The following ANO3 variants were observed in gnomAD, a reference collection of about 807,000 sequenced individuals.
ANO3 encodes the protein anoctamin 3.
In ANO3, 99 loss-of-function variants were observed where a neutral mutation model predicts 144.8. The ratio of observed to expected loss-of-function variants is 0.68; its 90% CI spans 0.58 to 0.81. The LOEUF (loss-of-function observed/expected upper bound fraction) is 0.81, where lower values mean the gene tolerates loss of function less well. Ranked by LOEUF, ANO3 falls within the 30% of genes least tolerant of loss-of-function variation. The probability of loss-of-function intolerance (pLI) is 0.00; values close to 1 mark genes in which losing one functional copy is unlikely to be tolerated. For synonymous variants in ANO3, 414 were observed against 392.6 expected (o/e 1.05, Z -0.64); for missense variants, 905 against 1,202.2 (o/e 0.75, Z 3.66).
At position 26,448,906 on chromosome 11, in the gene ANO3, C is replaced by T. The variant is rs191030863; in HGVS notation, c.313+5070C>T. On this transcript the variant is annotated intron_variant, in intron 3 of 26. Coordinates refer to ENST00000256737, the MANE Select transcript of ANO3 (RefSeq NM_031418.4). ...GTTGGTACGCTGGTACAATAACTTC[C>T]GAACAGATCTCCCTGCTCAAAATCT... Among the ~76,000 whole-genome samples, 392 of 150,810 alleles carry T rather than the reference C, an allele frequency of 2.6e-3. 2 individuals are homozygous for T. The highest frequency in any genetic ancestry group is 4.6e-3 in the Non-Finnish European group (316 of 67,998).
chr11:26,313,039 A>G (rs889967272), intron 1 of ANO3, among the ~76,000 whole-genome samples: 2 of 152,110 alleles, frequency 1.3e-5, no homozygotes, highest in South Asian at 4.1e-4. Flanking sequence ...AGTTGTTCCT[A>G]TTGCTGTTTT....
chr11:26,597,422 G>T (rs146104799), intron 14 of ANO3, among the ~76,000 whole-genome samples: 4 of 152,160 alleles, frequency 2.6e-5, no homozygotes, highest in Non-Finnish European at 5.9e-5. Flanking sequence ...CAGGAACAAC[G>T]GCAAGCCTCT....
intron 1 of ANO3, among the ~76,000 whole-genome samples, chr11:26,206,383 A>C (rs1851795112): frequency 6.6e-6 from 1 of 152,246 alleles, no homozygotes; most frequent in Admixed American, 6.5e-5. Context: ...TAAACTTGCT[A>C]TGTGTTTCTG....
Position 26,225,706 on chromosome 11 carries a change from T to C in ANO3, c.154+36376T>C, listed in dbSNP as rs986219930. ...GGAAAAATCTCTTTTGTTTCTTATTTATGATCTACAAGATTTAGGCTAATT... is the reference window on the plus strand; with the variant it reads ...GGAAAAATCTCTTTTGTTTCTTATTCATGATCTACAAGATTTAGGCTAATT... On this transcript the variant is annotated intron_variant, in intron 1 of 27. Transcript: ENST00000672621. Among the ~76,000 whole-genome samples, 7 of 152,208 alleles carry C rather than the reference T, an allele frequency of 4.6e-5. No individual in the cohort carries two copies. In the East Asian group the frequency reaches 1.3e-3, roughly 29 times the overall value.
At chr11:26,524,596 G>T (rs1037231205) in intron 6 of ANO3, among the ~76,000 whole-genome samples, 1 of 152,138 alleles carries the variant, frequency 6.6e-6, no homozygotes, top group Admixed American at 6.5e-5. Context: ...AGAAGAGCGA[G>T]AATATCAGAT....
intron 1 of ANO3, among the ~76,000 whole-genome samples, chr11:26,314,219 C>T (rs1305533362): frequency 6.6e-6 from 1 of 152,112 alleles, no homozygotes; most frequent in Non-Finnish European, 1.5e-5. Context: ...GCTATTACTG[C>T]ACGGCAATCA....
intron 4 of ANO3, among the ~76,000 whole-genome samples, chr11:26,487,768 G>T (rs139730078): frequency 6.6e-6 from 1 of 152,332 alleles, no homozygotes; most frequent in East Asian, 1.9e-4. Flanking sequence ...CTGCCCTAGA[G>T]ATTTGTGAAA....
intron 1 of ANO3, among the ~76,000 whole-genome samples, chr11:26,268,059 T>C (rs1853354462): frequency 6.6e-6 from 1 of 152,120 alleles, no homozygotes. Context: ...TTACATATAC[T>C]GGTCAGGAAA....
intron 14 of ANO3, among the ~76,000 whole-genome samples, chr11:26,595,114 T>C (rs1851571633): frequency 6.6e-6 from 1 of 152,160 alleles, no homozygotes; most frequent in Non-Finnish European, 1.5e-5. Context: ...TCCTAGAGCG[T>C]CCTCTATGGT....
intron 1 of ANO3, among the ~76,000 whole-genome samples, chr11:26,381,539 TTGTC>T (rs1177720726): frequency 1.3e-5 from 2 of 152,228 alleles, no homozygotes; most frequent in African/African-American, 2.4e-5. Context: ...GTTATTGACT[TTGTC>T]TGAATTGTCT....
At position 26,634,903 on chromosome 11, in the gene ANO3, C is replaced by T. The variant is rs755680105; in HGVS notation, c.1986-110C>T. On this transcript the variant is annotated intron_variant, in intron 19 of 26. Coordinates refer to ENST00000256737, the MANE Select transcript of ANO3 (RefSeq NM_031418.4). Reference sequence around the variant, plus strand: ...GCAGAAGTCAACTGGGGACAGATTGCACCAGTGAGCGTTTATGTCTACCCA... The same window carrying T: ...GCAGAAGTCAACTGGGGACAGATTGTACCAGTGAGCGTTTATGTCTACCCA... 11 of 801,008 alleles carry T rather than the reference C, an allele frequency of 1.4e-5. No homozygotes were observed. The Admixed American group carries it at 2.0e-4, about 15-fold the overall frequency. The allele number at this position is 801,008 out of a possible 1,614,324, so 49.6% of individuals were successfully genotyped here.
At chr11:26,453,419 G>A (rs1859025523) in intron 3 of ANO3, among the ~76,000 whole-genome samples, 2 of 152,016 alleles carry the variant, frequency 1.3e-5, no homozygotes, top group African/African-American at 2.4e-5. Context: ...AAAAAGGCAG[G>A]GGTTGCAATC....
chr11:26,662,917 G>A lies in ANO3; in HGVS notation c.*2473G>A, dbSNP rs1853920274. ...ATATGAATACAAATTATTTCTCAAA[G>A]ATTTATAGCACACACTATTCTCAGG... is the stretch of plus-strand genomic sequence containing the variant. On this transcript the variant is annotated 3_prime_UTR_variant, in exon 27 of 27. Transcript: ENST00000256737. 1 of 152,364 alleles carries A rather than the reference G, an allele frequency of 6.6e-6. No individual in the cohort carries two copies. Among genetic ancestry groups the A allele is most frequent in the African/African-American group, 2.4e-5 (1 of 41,398 alleles). 9.4% of individuals were successfully genotyped at this position (152,364 alleles called of 1,614,324 possible).
At chr11:26,296,997 A>T (rs1181589798) in intron 1 of ANO3, among the ~76,000 whole-genome samples, 1 of 152,140 alleles carries the variant, frequency 6.6e-6, no homozygotes, top group African/African-American at 2.4e-5. Flanking sequence ...ACCTCTAGAG[A>T]CAGGTAGCCA....
At chr11:26,416,404 C>A (rs1329703258) in intron 1 of ANO3, among the ~76,000 whole-genome samples, 2 of 151,774 alleles carry the variant, frequency 1.3e-5, no homozygotes. Context: ...TCAGTGTTTT[C>A]CTGTTTTAGT....
Position 26,584,226 on chromosome 11 carries a change from T to C in ANO3, c.1448-14139T>C, listed in dbSNP as rs536586908. Among the ~76,000 whole-genome samples, 12 of 152,274 alleles carry C rather than the reference T, an allele frequency of 7.9e-5. No individual in the cohort carries two copies. The South Asian group carries it at 2.1e-3, about 26-fold the overall frequency. ...CAGGCTGGAGTGCAATGGCATGATC[T>C]CGGCTCACTGCAACCTCCGCCTCCT... On this transcript the variant is annotated intron_variant, in intron 14 of 26. Transcript: ENST00000256737.
intron 12 of ANO3, among the ~76,000 whole-genome samples, chr11:26,549,229 G>C (rs1007117878): frequency 6.6e-6 from 1 of 151,956 alleles, no homozygotes; most frequent in Non-Finnish European, 1.5e-5. Flanking sequence ...TGTTCTAAAA[G>C]GCATTAGTAA....
At chr11:26,529,806 C>T (rs998760664) in intron 7 of ANO3, among the ~76,000 whole-genome samples, 6 of 151,872 alleles carry the variant, frequency 4.0e-5, no homozygotes, top group Non-Finnish European at 5.9e-5. Context: ...TTTCTATTTT[C>T]TTTGTAAAAT....
chr11:26,425,436 T>G (rs1481937014), intron 1 of ANO3, among the ~76,000 whole-genome samples: 4 of 152,056 alleles, frequency 2.6e-5, no homozygotes, highest in Non-Finnish European at 5.9e-5. Context: ...CTTTAGAAAT[T>G]TCAGTTTACT....
Sources: allele counts gnomAD v4.1 joint callset (sites outside exome capture counted in the v4.1 genomes callset), GRCh38; gene constraint gnomAD v4.1.1; transcripts MANE v1.5; gene names NCBI Gene and HGNC (gene_info 2026-07-23, HGNC 2026-07-21).